The following SCML4 variants were observed in gnomAD, a reference collection of about 807,000 sequenced individuals.
SCML4 encodes the protein Scm polycomb group protein like 4, also known as sex comb on midleg-like protein 4.
A neutral mutation model predicts 41.1 loss-of-function variants in SCML4; 34 were observed. The ratio of observed to expected loss-of-function variants is 0.83; its 90% CI spans 0.63 to 1.10. SCML4 has a LOEUF of 1.10. Among genes scored for constraint, SCML4 ranks in the 50% least tolerant of loss-of-function variants. The pLI, the probability that SCML4 is intolerant of heterozygous loss-of-function variation, is 0.00. For synonymous variants in SCML4, 214 were observed against 220.9 expected (o/e 0.97, Z 0.28); for missense variants, 522 against 534.1 (o/e 0.98, Z 0.22).
intron 2 of SCML4, among the ~76,000 whole-genome samples, chr6:107,762,514 T>G (rs1017113603): frequency 1.3e-5 from 2 of 152,204 alleles, no homozygotes; most frequent in African/African-American, 4.8e-5. Context: ...TGACCTTATT[T>G]GAAAATACAG....
chr6:107,724,967 A>G (rs967631942), intron 5 of SCML4, among the ~76,000 whole-genome samples: 2 of 152,200 alleles, frequency 1.3e-5, no homozygotes, highest in Non-Finnish European at 2.9e-5. Context: ...ACATGTTCTC[A>G]CCCATATGTG....
intron 5 of SCML4, among the ~76,000 whole-genome samples, chr6:107,729,280 T>C (rs974272306): frequency 1.3e-5 from 2 of 152,160 alleles, no homozygotes; most frequent in African/African-American, 4.8e-5. Flanking sequence ...GGAGAATCCC[T>C]CCTGGCCTCT....
At chr6:107,825,431 A>G (rs1171896089), upstream of SCML4, among the ~76,000 whole-genome samples, 1 of 152,254 alleles carries the variant, frequency 6.6e-6, no homozygotes, top group Non-Finnish European at 1.5e-5. Flanking sequence ...AGAAGTACAT[A>G]AGAAATCTCT....
chr6:107,711,908 C>G (rs1309554498), intron 6 of SCML4, among the ~76,000 whole-genome samples: 1 of 152,144 alleles, frequency 6.6e-6, no homozygotes, highest in African/African-American at 2.4e-5. Context: ...GAGGAGAATA[C>G]AGCATCACAT....
Position 107,806,084 on chromosome 6 carries a change from C to T in SCML4, c.-60+18042G>A, listed in dbSNP as rs112053345. On this transcript the variant is annotated intron_variant, in intron 1 of 7. Transcript: ENST00000369020. ...ACGGGGCCAGGTGATGCCACAGAGG[C>T]ACCTGTGCCAACTGCCTTCTACTTT... 4.1e-3 allele frequency among the ~76,000 whole-genome samples: 626 copies of T among 152,320 alleles called. 1 individual carries two copies. The highest frequency in any genetic ancestry group is 0.012 in the African/African-American group (500 of 41,574).
At chr6:107,770,199 A>G (rs1471158345) in intron 2 of SCML4, among the ~76,000 whole-genome samples, 2 of 152,306 alleles carry the variant, frequency 1.3e-5, no homozygotes, top group East Asian at 3.9e-4. Context: ...TTATTTTGCC[A>G]ACTAAGAACA....
chr6:107,732,803 C>A (rs1391061689), intron 5 of SCML4, among the ~76,000 whole-genome samples: 1 of 152,116 alleles, frequency 6.6e-6, no homozygotes, highest in Non-Finnish European at 1.5e-5. Context: ...TCCTCCACAG[C>A]CCCCACAATT....
chr6:107,844,845 T>G, the SCML4 span, among the ~76,000 whole-genome samples: 1 of 151,894 alleles, frequency 6.6e-6, no homozygotes, highest in African/African-American at 2.4e-5. Flanking sequence ...GAGGATTGCT[T>G]GAGGCCAGGA....
chr6:107,734,639 A>G (rs1012070922), intron 5 of SCML4, among the ~76,000 whole-genome samples: 1 of 152,210 alleles, frequency 6.6e-6, no homozygotes, highest in Non-Finnish European at 1.5e-5. Flanking sequence ...ATATGTACAG[A>G]TATCATAATT....
intron 6 of SCML4, among the ~76,000 whole-genome samples, chr6:107,711,476 A>T (rs61405158): frequency 0.013 from 1,926 of 152,306 alleles, 50 homozygotes; most frequent in African/African-American, 0.044. Flanking sequence ...GCTGTACCAC[A>T]CCGCCTAGGT....
chr6:107,773,525 G>A (rs1490946635), intron 1 of SCML4, among the ~76,000 whole-genome samples: 6 of 145,762 alleles, frequency 4.1e-5, no homozygotes, highest in African/African-American at 1.5e-4. Context: ...CAGGGAGGCA[G>A]AGGTTGCAGT....
At chr6:107,729,410 C>G (rs73523433) in intron 5 of SCML4, among the ~76,000 whole-genome samples, 6,376 of 152,262 alleles carry the variant, frequency 0.042, 447 homozygotes, top group African/African-American at 0.15. Context: ...AAATTTCCTT[C>G]TTCTTCTAAG....
At chr6:107,783,960 C>G (rs1348459211) in intron 1 of SCML4, among the ~76,000 whole-genome samples, 1 of 152,182 alleles carries the variant, frequency 6.6e-6, no homozygotes, top group Non-Finnish European at 1.5e-5. Flanking sequence ...TTCTGTCCTG[C>G]CACCTCCTGC....
chr6:107,842,848 C>A, the SCML4 span, among the ~76,000 whole-genome samples: 1 of 152,104 alleles, frequency 6.6e-6, no homozygotes, highest in Non-Finnish European at 1.5e-5. Context: ...TATGTACACA[C>A]TTGTTATGTC....
At chr6:107,748,078 C>T (rs1034018813) in intron 3 of SCML4, among the ~76,000 whole-genome samples, 5 of 152,188 alleles carry the variant, frequency 3.3e-5, no homozygotes, top group African/African-American at 9.7e-5. Flanking sequence ...AAATAAGACA[C>T]AAAAGTTATT....
chr6:107,832,566 G>A, the SCML4 span, among the ~76,000 whole-genome samples: 5 of 152,288 alleles, frequency 3.3e-5, 1 homozygote, highest in East Asian at 5.8e-4. Context: ...ACTGCCACCC[G>A]GATATGCTGA....
chr6:107,709,239 A>G (rs1212454089), intron 6 of SCML4, among the ~76,000 whole-genome samples: 1 of 152,184 alleles, frequency 6.6e-6, no homozygotes, highest in Non-Finnish European at 1.5e-5. Context: ...CTTGGTCTTA[A>G]TAATATTTTT....
At chr6:107,812,880 TACACACACAC>T (rs141469245) in intron 1 of SCML4, among the ~76,000 whole-genome samples, 12 of 141,372 alleles carry the variant, frequency 8.5e-5, no homozygotes, top group Non-Finnish European at 1.4e-4. Flanking sequence ...CACAGACACA[TACACACACAC>T]ACACACACAC....
At chr6:107,784,176 G>C (rs1781709176) in intron 1 of SCML4, among the ~76,000 whole-genome samples, 2 of 152,154 alleles carry the variant, frequency 1.3e-5, no homozygotes, top group African/African-American at 4.8e-5. Flanking sequence ...TCGTGACCGG[G>C]CAGAATGGGA....
Sources: allele counts gnomAD v4.1 joint callset (sites outside exome capture counted in the v4.1 genomes callset), GRCh38; gene constraint gnomAD v4.1.1; transcripts MANE v1.5; gene names NCBI Gene and HGNC (gene_info 2026-07-23, HGNC 2026-07-21).